AMBRA1: variants seen among roughly 807,000 people sequenced by gnomAD.
AMBRA1 encodes the protein autophagy and beclin 1 regulator 1, also known as activating molecule in BECN1-regulated autophagy protein 1.
Under a neutral mutation model 125.4 loss-of-function variants are expected in AMBRA1, and 47 were observed. The ratio of observed to expected loss-of-function variants is 0.37; its 90% confidence interval spans 0.30 to 0.48. The LOEUF (loss-of-function observed/expected upper bound fraction) is 0.48, where lower values mean the gene tolerates loss of function less well. AMBRA1 is among the 20% of genes least tolerant of loss of function. The pLI is 0.99. For synonymous variants in AMBRA1, 626 were observed against 655.5 expected (o/e 0.95, Z 0.69); for missense variants, 1,331 against 1,693.4 (o/e 0.79, Z 3.76).
chr11:46,433,491 C>T lies in AMBRA1; in HGVS notation c.2959G>A (p.Gly987Arg), dbSNP rs1197190864. The change falls in exon 14 of 18, where the codon GGA (glycine) becomes AGA (arginine). Residue 987 changes from glycine to arginine, a missense_variant. Physicochemically the swap from Gly to Arg is moderately radical, Grantham distance 125. This residue lies in a region of AMBRA1 where 354 missense variants were observed against 532.7 expected (regional missense o/e 0.66). Coordinates refer to ENST00000683756, the MANE Select transcript of AMBRA1 (RefSeq NM_001387011.1). ...QVFRLQQAHG[G>R]ETSMRRVFNV... is the part of the protein sequence containing the mutation. The stretch of plus-strand genomic sequence containing the variant: ...GCACTCACCCTCATGGAGGTCTCTC[C>T]ACCATGGGCCTGTTGCAGCCTGAAG... The T allele has an allele frequency of 6.2e-7, 1 of 1,614,168 alleles. No homozygotes were observed. The highest frequency in any genetic ancestry group is 1.7e-5 in the Admixed American group (1 of 60,028).
At position 46,547,235 on chromosome 11, in the gene AMBRA1, T is replaced by C. The variant is rs2135187050; in HGVS notation, c.256A>G (p.Lys86Glu). The change falls in exon 4 of 18, where the codon AAG becomes GAG. Residue 86 changes from lysine to glutamate, a missense_variant. By Grantham distance (56) the Lys-to-Glu change is moderately conservative. This residue lies in a region of AMBRA1 where 144 missense variants were observed against 250.4 expected (regional missense o/e 0.58). Coordinates refer to ENST00000683756, the MANE Select transcript of AMBRA1 (RefSeq NM_001387011.1). Reference protein sequence around the residue: ...NIYITEVKTGKCVHSLIGHRR... With the variant: ...NIYITEVKTGECVHSLIGHRR... ...TGTCCAATCAGGGAATGAACACACTTGCCAGTCTTCACCTCCGTAATATAG... is the reference window on the plus strand; with the variant it reads ...TGTCCAATCAGGGAATGAACACACTCGCCAGTCTTCACCTCCGTAATATAG... 6.2e-7 allele frequency: 1 copy of C among 1,614,038 alleles called. No individual in the cohort carries two copies. Among genetic ancestry groups the C allele is most frequent in the South Asian group, 1.1e-5 (1 of 91,070 alleles).
chr11:46,402,196 G>A (rs894126328), intron 17 of AMBRA1, among the ~76,000 whole-genome samples: 15 of 152,286 alleles, frequency 9.8e-5, no homozygotes, highest in Admixed American at 2.0e-4. Flanking sequence ...GGACTCAGCT[G>A]TATTCTCTTT....
chr11:46,548,098 C>A, intron 2 of AMBRA1, 148 bp downstream of exon 2: 1 of 1,312,452 alleles, frequency 7.6e-7, no homozygotes, highest in Non-Finnish European at 1.0e-6. Flanking sequence ...TTAGTTCTTT[C>A]AAATTTACAA....
chr11:46,470,113 GA>G, intron 11 of AMBRA1, among the ~76,000 whole-genome samples: 1 of 152,186 alleles, frequency 6.6e-6, no homozygotes, highest in Middle Eastern at 3.4e-3. Flanking sequence ...TAGAGCTAAA[GA>G]AAACATGCCA....
rs767190003 is a variant in AMBRA1, at chr11:46,542,845, G to C, written c.1172C>G (p.Thr391Ser). 1 of 1,613,978 alleles carries C rather than the reference G, an allele frequency of 6.2e-7. No individual in the cohort carries two copies. The highest frequency in any genetic ancestry group is 1.7e-5 in the Admixed American group (1 of 60,032). ...NTLRNLSLGP[T>S]RRSLGGPLSS... ...CAGAGGCCCTCCCAAAGAGCGGCGG[G>C]TAGGACCCAGACTGAGGTTGCGGAG... Residue 391 changes from threonine (T) to serine (S), a missense_variant, in exon 7 of 18, where the codon ACC becomes AGC. Transcript: ENST00000683756. The surrounding 1 kb of genome is among the most constrained non-coding windows in gnomAD (Gnocchi z 5.9).
chr11:46,582,958 T>C (rs1392450742), intron 1 of AMBRA1, among the ~76,000 whole-genome samples: 1 of 149,804 alleles, frequency 6.7e-6, no homozygotes, highest in African/African-American at 2.4e-5. Context: ...CCATAGTACA[T>C]AATACACAGC....
In AMBRA1 at chr11:46,547,204, C is replaced by T. The variant is rs1199574199; in HGVS notation, c.287G>A (p.Arg96His). ...KCVHSLIGHR[R>H]TPWCVTFHPT... ...ATGAAAAGTGACACACCATGGAGTA[C>T]GGCGGTGTCCAATCAGGGAATGAAC... The change falls in exon 4 of 18, where the codon CGT becomes CAT. Residue 96 changes from arginine (R) to histidine (H), a missense_variant. Physicochemically the swap from Arg to His is conservative, Grantham distance 29. Coordinates refer to ENST00000683756, the MANE Select transcript of AMBRA1 (RefSeq NM_001387011.1). 3 of 1,613,978 alleles carry T rather than the reference C, an allele frequency of 1.9e-6. No homozygotes were observed. Among genetic ancestry groups the T allele is most frequent in the Non-Finnish European group, 1.7e-6 (2 of 1,180,018 alleles).
intron 11 of AMBRA1, among the ~76,000 whole-genome samples, chr11:46,472,455 C>T (rs543418082): frequency 6.6e-6 from 1 of 152,186 alleles, no homozygotes; most frequent in African/African-American, 2.4e-5. Flanking sequence ...GAAGTTAGAG[C>T]ACTTTACCAA....
intron 12 of AMBRA1, among the ~76,000 whole-genome samples, chr11:46,440,196 A>T (rs1053332498): frequency 1.3e-5 from 2 of 152,210 alleles, no homozygotes; most frequent in African/African-American, 4.8e-5. Context: ...GTCCTTTAAT[A>T]GTAGACTAGT....
At chr11:46,550,512 C>T (rs555455240) in intron 1 of AMBRA1, among the ~76,000 whole-genome samples, 2 of 152,302 alleles carry the variant, frequency 1.3e-5, no homozygotes, top group South Asian at 4.1e-4. Context: ...TACTTCTCAA[C>T]TTTTTACTTA....
intron 7 of AMBRA1, among the ~76,000 whole-genome samples, chr11:46,513,753 T>C (rs1265353343): frequency 6.6e-6 from 1 of 152,206 alleles, no homozygotes; most frequent in East Asian, 1.9e-4. Context: ...TGGCCCATCA[T>C]TTAGCTCCAG....
intron 1 of AMBRA1, among the ~76,000 whole-genome samples, chr11:46,584,481 AC>A (rs554776038): frequency 0.013 from 1,897 of 151,684 alleles, 42 homozygotes; most frequent in African/African-American, 0.044. Flanking sequence ...TATGTAACTA[AC>A]CTGCACATTG....
intron 1 of AMBRA1, among the ~76,000 whole-genome samples, chr11:46,574,518 T>C (rs912611598): frequency 6.6e-6 from 1 of 151,772 alleles, no homozygotes; most frequent in Non-Finnish European, 1.5e-5. Context: ...GGGTTGTTTG[T>C]TTTTTTCTTG....
At chr11:46,578,951 T>C (rs559372461) in intron 1 of AMBRA1, among the ~76,000 whole-genome samples, 1 of 79,744 alleles carries the variant, frequency 1.3e-5, no homozygotes, top group African/African-American at 5.1e-5. Context: ...ATTCAGTACA[T>C]AGAAATAAGA....
At chr11:46,514,335 C>A (rs1951387907) in intron 7 of AMBRA1, among the ~76,000 whole-genome samples, 1 of 152,198 alleles carries the variant, frequency 6.6e-6, no homozygotes, top group Non-Finnish European at 1.5e-5. Flanking sequence ...GGCTTGCAAC[C>A]TTTCCTGCCC....
intron 11 of AMBRA1, among the ~76,000 whole-genome samples, chr11:46,487,168 G>A (rs1816125956): frequency 6.6e-6 from 1 of 151,842 alleles, no homozygotes. Flanking sequence ...TGAGGTAGGA[G>A]AATAGCTTGA....
At chr11:46,399,570 G>A (rs1945621360) in intron 17 of AMBRA1, among the ~76,000 whole-genome samples, 2 of 151,336 alleles carry the variant, frequency 1.3e-5, no homozygotes, top group South Asian at 4.2e-4. Flanking sequence ...CCACCATGTT[G>A]GCCAGGCTGC....
chr11:46,438,929 A>C (rs149064131), intron 12 of AMBRA1, among the ~76,000 whole-genome samples: 94 of 152,314 alleles, frequency 6.2e-4, no homozygotes, highest in Non-Finnish European at 1.2e-3. Context: ...AACTCCAGGA[A>C]AAGGTTAAAT....
At chr11:46,484,336 C>T (rs1317921399) in intron 11 of AMBRA1, among the ~76,000 whole-genome samples, 1 of 152,142 alleles carries the variant, frequency 6.6e-6, no homozygotes, top group Non-Finnish European at 1.5e-5. Context: ...CTAATCATAA[C>T]CTAAGAAGAG....
Sources: allele counts gnomAD v4.1 joint callset (sites outside exome capture counted in the v4.1 genomes callset), GRCh38; gene constraint gnomAD v4.1.1; regional missense constraint gnomAD v4.1.1; non-coding constraint Gnocchi (gnomAD v3.1); transcripts MANE v1.5; gene names NCBI Gene and HGNC (gene_info 2026-07-23, HGNC 2026-07-21).